Variants in PKIB observed in about 807,000 individuals in gnomAD.
PKIB encodes the protein PKI-beta.
In PKIB, 2 loss-of-function variants were observed where a neutral mutation model predicts 4.5. The ratio of observed to expected loss-of-function variants is 0.44; its 90% CI spans 0.18 to 1.39. The LOEUF (loss-of-function observed/expected upper bound fraction) is 1.39, where lower values mean the gene tolerates loss of function less well. PKIB is among the 40% of genes most tolerant of loss of function. The pLI is 0.27. For missense variants in PKIB, 94 were observed against 92.6 expected, an observed-to-expected ratio of 1.02 and a Z score of -0.06; for synonymous variants, 38 against 36.0, an observed-to-expected ratio of 1.06 and a Z score of -0.20.
rs533553939 is a variant in PKIB at position 122,553,481 on chromosome 6, C to CTTTTTTTTTTTTTTTTTTTTTTTTT, written c.-247-32418_-247-32417insTTTTTTTTTTTTTTTTTTTTTTTTT. On this transcript the variant is annotated intron_variant, in intron 2 of 6. Coordinates refer to the PKIB transcript ENST00000392491. ...TCTCTCAAGATTGCTCAAATATCTT[C>CTTTTTTTTTTTTTTTTTTTTTTTTT]TTTTTTTTTTTTTTTTTTTTTTCTG... is the stretch of plus-strand genomic sequence containing the variant. Among the ~76,000 whole-genome samples the CTTTTTTTTTTTTTTTTTTTTTTTTT allele has an allele frequency of 4.1e-4, 27 of 65,836 alleles. 7 individuals carry two copies. Among genetic ancestry groups the CTTTTTTTTTTTTTTTTTTTTTTTTT allele is most frequent in the East Asian group, 1.1e-3 (2 of 1,838 alleles). 43.2% of individuals were successfully genotyped at this position (65,836 alleles called of 152,430 possible). A position where few individuals can be genotyped will look rare whatever the true frequency, so the allele number is the denominator to read the frequency against.
chr6:122,568,958 C>T (rs1391545777), intron 2 of PKIB, among the ~76,000 whole-genome samples: 1 of 152,060 alleles, frequency 6.6e-6, no homozygotes, highest in Admixed American at 6.5e-5. Context: ...AGATTGGCCT[C>T]ACCAACTGCA....
intron 2 of PKIB, among the ~76,000 whole-genome samples, chr6:122,522,143 A>T (rs1040665065): frequency 1.5e-3 from 161 of 110,658 alleles, no homozygotes; most frequent in Non-Finnish European, 2.4e-3. Context: ...GTAATAAGTC[A>T]TTAGCAAAAA....
chr6:122,569,956 A>G (rs1375209083), intron 2 of PKIB, among the ~76,000 whole-genome samples: 1 of 152,132 alleles, frequency 6.6e-6, no homozygotes, highest in Non-Finnish European at 1.5e-5. Context: ...GGTCTTGGAG[A>G]CGGTGTCCTT....
chr6:122,552,308 G>C (rs191539465), intron 2 of PKIB, among the ~76,000 whole-genome samples: 2 of 152,080 alleles, frequency 1.3e-5, no homozygotes, highest in African/African-American at 4.8e-5. Flanking sequence ...ACGCCAGGTA[G>C]CATAACCCAG....
chr6:122,553,363 C>T (rs1772738125), intron 2 of PKIB, among the ~76,000 whole-genome samples: 1 of 152,040 alleles, frequency 6.6e-6, no homozygotes, highest in South Asian at 2.1e-4. Context: ...ACTCAGTTTT[C>T]AGGGTCCACA....
chr6:122,606,491 G>A (rs914273804), upstream of PKIB, among the ~76,000 whole-genome samples: 2 of 151,260 alleles, frequency 1.3e-5, no homozygotes, highest in African/African-American at 4.9e-5. Context: ...AGAATCGCTC[G>A]AACCCAGGAG....
At chr6:122,486,331 T>C (rs762976025) in intron 2 of PKIB, among the ~76,000 whole-genome samples, 2 of 152,180 alleles carry the variant, frequency 1.3e-5, no homozygotes, top group Non-Finnish European at 2.9e-5. Flanking sequence ...TCTTTCAGAA[T>C]AATAAGTATG....
chr6:122,725,315 T>C lies in PKIB; in HGVS notation c.*120T>C, dbSNP rs1779913900. 1 of 742,208 alleles carries C rather than the reference T, an allele frequency of 1.3e-6. No homozygotes were observed. 46.0% of individuals were successfully genotyped at this position (742,208 alleles called of 1,614,324 possible). ...TAACATTGCAGCCCTAAGCAGCATG[T>C]GTATATTAGATAATTGTGTTGTGAT... On this transcript the variant is annotated 3_prime_UTR_variant, in exon 5 of 5. Coordinates refer to ENST00000368452, the MANE Select transcript of PKIB (RefSeq NM_181795.3).
intron 2 of PKIB, among the ~76,000 whole-genome samples, chr6:122,663,068 T>A (rs1490458170): frequency 6.6e-6 from 1 of 152,212 alleles, no homozygotes; most frequent in East Asian, 1.9e-4. Flanking sequence ...TCTGTTCTTT[T>A]CAGTGTGTTG....
At chr6:122,584,858 G>A (rs1448175880) in intron 2 of PKIB, among the ~76,000 whole-genome samples, 3 of 152,048 alleles carry the variant, frequency 2.0e-5, no homozygotes, top group Admixed American at 6.6e-5. Context: ...ACACAATGGG[G>A]ACTAGGTAAA....
intron 2 of PKIB, among the ~76,000 whole-genome samples, chr6:122,522,848 T>C (rs906008261): frequency 6.6e-6 from 1 of 152,222 alleles, no homozygotes; most frequent in African/African-American, 2.4e-5. Flanking sequence ...CTGGAGCTAT[T>C]CCTGTTTGGA....
chr6:122,657,293 G>T (rs1345173079), intron 2 of PKIB, among the ~76,000 whole-genome samples: 2 of 152,116 alleles, frequency 1.3e-5, no homozygotes, highest in African/African-American at 2.4e-5. Flanking sequence ...GCTACTCATG[G>T]CTACATATTC....
intron 3 of PKIB, among the ~76,000 whole-genome samples, chr6:122,601,685 T>C (rs1774372563): frequency 6.6e-6 from 1 of 152,190 alleles, no homozygotes; most frequent in Non-Finnish European, 1.5e-5. Context: ...CCACTTAATA[T>C]ATAGTATATA....
intron 1 of PKIB, among the ~76,000 whole-genome samples, chr6:122,473,039 A>G (rs2114500746): frequency 6.6e-6 from 1 of 152,254 alleles, no homozygotes; most frequent in South Asian, 2.1e-4. Context: ...TGAACCCGGG[A>G]GGCAGAGGTT....
At chr6:122,689,692 A>T (rs1317514539) in intron 3 of PKIB, among the ~76,000 whole-genome samples, 1 of 152,194 alleles carries the variant, frequency 6.6e-6, no homozygotes, top group Non-Finnish European at 1.5e-5. Flanking sequence ...ATTCTTGAGA[A>T]TGTGCAGTAT....
At chr6:122,564,026 A>G (rs1416729017) in intron 2 of PKIB, among the ~76,000 whole-genome samples, 2 of 152,174 alleles carry the variant, frequency 1.3e-5, no homozygotes, top group African/African-American at 4.8e-5. Flanking sequence ...CTTTCTCCCT[A>G]TGTAGTTTTA....
At chr6:122,716,058 C>T (rs887443517) in intron 3 of PKIB, among the ~76,000 whole-genome samples, 2 of 152,060 alleles carry the variant, frequency 1.3e-5, no homozygotes, top group African/African-American at 4.8e-5. Flanking sequence ...TGGTTTTCCT[C>T]TTGGAAAATG....
chr6:122,492,275 TTGTTCGTGGGTAG>T (rs1182952929), intron 2 of PKIB, among the ~76,000 whole-genome samples: 3 of 152,136 alleles, frequency 2.0e-5, no homozygotes, highest in Non-Finnish European at 4.4e-5. Flanking sequence ...GAATCTCTGG[TTGTTCGTGGGTAG>T]TGTTCATGGG....
intron 2 of PKIB, among the ~76,000 whole-genome samples, chr6:122,648,783 C>T (rs767134608): frequency 3.3e-5 from 5 of 152,160 alleles, no homozygotes; most frequent in South Asian, 2.1e-4. Flanking sequence ...CCTGTGACCA[C>T]GTAGCTTGGT....
Sources: allele counts gnomAD v4.1 joint callset (sites outside exome capture counted in the v4.1 genomes callset), GRCh38; gene constraint gnomAD v4.1.1; transcripts MANE v1.5; gene names NCBI Gene and HGNC (gene_info 2026-07-23, HGNC 2026-07-21).